The following ZSCAN1 variants were observed in gnomAD, a reference collection of about 807,000 sequenced individuals.
ZSCAN1 encodes the protein zinc finger and SCAN domain containing 1.
In ZSCAN1, 23 loss-of-function variants were observed where a neutral mutation model predicts 23.8. The ratio of observed to expected loss-of-function variants is 0.97; its 90% CI spans 0.70 to 1.37. The LOEUF (loss-of-function observed/expected upper bound fraction) is 1.37. ZSCAN1 is among the 40% of genes most tolerant of loss of function. ZSCAN1 has a pLI of 0.00. For missense variants in ZSCAN1, 575 were observed against 554.0 expected (o/e 1.04, Z -0.38); for synonymous variants, 236 against 232.3 (o/e 1.02, Z -0.15).
chr19:58,053,252 G>A lies in ZSCAN1; in HGVS notation c.605-177G>A, dbSNP rs563581685. 3.9e-5 allele frequency among the ~76,000 whole-genome samples: 6 copies of A among 152,174 alleles called. No homozygotes were observed. The highest frequency in any genetic ancestry group is 9.6e-5 in the African/African-American group (4 of 41,502). ...GATTACAGGCATGAGCCACTGCACCGGCCACATGTGCCCTTGTATCTTAAA... is the reference window on the plus strand; with the variant it reads ...GATTACAGGCATGAGCCACTGCACCAGCCACATGTGCCCTTGTATCTTAAA... On this transcript the variant is annotated intron_variant, in intron 5 of 5. Transcript: ENST00000282326. This position sits in a 1 kb window ranked among gnomAD's most constrained non-coding sequence, Gnocchi z 5.8.
Position 58,045,003 on chromosome 19 carries a change from T to C in ZSCAN1, c.465+4459T>C. On this transcript the variant is annotated intron_variant, in intron 4 of 5. Transcript: ENST00000282326. The surrounding 1 kb of genome is among the most constrained non-coding windows in gnomAD (Gnocchi z 4.3). ...ACAAGAAGCTGGAGGAAGGCGGCCC[T>C]GTGTACAGCGCCCCCGCAGAGATGG... The C allele has an allele frequency of 1.7e-6, 2 of 1,150,780 alleles. No individual in the cohort carries two copies. The highest frequency in any genetic ancestry group is 2.6e-6 in the Non-Finnish European group (2 of 765,618). The allele number at this position is 1,150,780 out of a possible 1,614,324, so 71.3% of individuals were successfully genotyped here.
In ZSCAN1 at chr19:58,040,592, G is replaced by A. The variant is rs1350176664; in HGVS notation, c.465+48G>A. On this transcript the variant is annotated intron_variant, in intron 4 of 5. Transcript: ENST00000282326. This position sits in a 1 kb window ranked among gnomAD's most constrained non-coding sequence, Gnocchi z 5.8. Reference sequence around the variant, plus strand: ...CGTGCTCCTGCACCCCAGGGCATGCGTGCCGCTTCTGGGACGGCCTCAAGG... The same window carrying A: ...CGTGCTCCTGCACCCCAGGGCATGCATGCCGCTTCTGGGACGGCCTCAAGG... 9 of 1,581,158 alleles carry A rather than the reference G, an allele frequency of 5.7e-6. No individual in the cohort carries two copies. Among genetic ancestry groups the A allele is most frequent in the African/African-American group, 2.7e-5 (2 of 74,278 alleles).
At chr19:58,039,466 G>A (rs933310125) in intron 3 of ZSCAN1, among the ~76,000 whole-genome samples, 28 of 152,092 alleles carry the variant, frequency 1.8e-4, no homozygotes, top group African/African-American at 6.0e-4. Flanking sequence ...GAACAGCCCT[G>A]CACCGGCCAC....
intron 4 of ZSCAN1, chr19:58,044,854 T>A: frequency 1.3e-6 from 1 of 767,140 alleles, no homozygotes; most frequent in Non-Finnish European, 2.3e-6. Context: ...GCCATGGACC[T>A]CCACCTCTGT....
intron 4 of ZSCAN1, among the ~76,000 whole-genome samples, chr19:58,042,415 C>T (rs571146838): frequency 6.6e-6 from 1 of 151,652 alleles, no homozygotes. Context: ...CCGCCACCTC[C>T]CCGGCTAATT....
chr19:58,039,917 TA>T (rs138538238), intron 3 of ZSCAN1, among the ~76,000 whole-genome samples: 218 of 151,766 alleles, frequency 1.4e-3, no homozygotes, highest in African/African-American at 4.2e-3. Context: ...AAAAAATAAA[TA>T]GGGGGGGGTC....
chr19:58,047,937 G>A lies in ZSCAN1; in HGVS notation c.466-4553G>A, dbSNP rs1393082817. Among the ~76,000 whole-genome samples the A allele has an allele frequency of 5.3e-5, 8 of 152,180 alleles. No homozygotes were observed. The highest frequency in any genetic ancestry group is 1.7e-4 in the African/African-American group (7 of 41,446). ...GCCACCTCCACCCTCCTGCCCAGCCGGCTGTGTCACACTCATATTTTTAAG... is the reference window on the plus strand; with the variant it reads ...GCCACCTCCACCCTCCTGCCCAGCCAGCTGTGTCACACTCATATTTTTAAG... On this transcript the variant is annotated intron_variant, in intron 4 of 5. Transcript: ENST00000282326. The surrounding 1 kb of genome is among the most constrained non-coding windows in gnomAD (Gnocchi z 4.9).
chr19:58,053,735 T>C lies in ZSCAN1; in HGVS notation c.911T>C (p.Val304Ala), dbSNP rs764241134. ...CADCGMVFTW[V>A]THFIEHQKTH... ...GACTGTGGGATGGTCTTCACCTGGGTCACCCACTTCATCGAGCACCAGAAG... is the reference window on the plus strand; with the variant it reads ...GACTGTGGGATGGTCTTCACCTGGGCCACCCACTTCATCGAGCACCAGAAG... The change falls in exon 6 of 6, where the codon GTC becomes GCC. Residue 304 changes from valine (V) to alanine (A), a missense_variant. Val to Ala is a moderately conservative substitution (Grantham distance 64). Transcript: ENST00000282326. The surrounding 1 kb of genome is among the most constrained non-coding windows in gnomAD (Gnocchi z 5.8). The C allele has an allele frequency of 6.2e-7, 1 of 1,613,850 alleles. No individual in the cohort carries two copies. The highest frequency in any genetic ancestry group is 8.5e-7 in the Non-Finnish European group (1 of 1,180,002).
In ZSCAN1 at chr19:58,049,417, A is replaced by G. The variant is rs2073845098; in HGVS notation, c.466-3073A>G. The G allele has an allele frequency of 1.3e-5, 2 of 152,218 alleles. No individual in the cohort carries two copies. Among genetic ancestry groups the G allele is most frequent in the East Asian group, 1.9e-4 (1 of 5,200 alleles). The allele number at this position is 152,218 out of a possible 1,614,324, so 9.4% of individuals were successfully genotyped here. On this transcript the variant is annotated intron_variant, in intron 4 of 5. Transcript: ENST00000282326. The surrounding 1 kb of genome is among the most constrained non-coding windows in gnomAD (Gnocchi z 4.5). ...TGGATCCCTCTGCGATTTCCTCTGT[A>G]TTGGTTGTGGTACTCATTCAGGTCT...
In ZSCAN1 at chr19:58,038,089, C is replaced by T; in HGVS notation, c.253C>T (p.Gln85Ter). 1.2e-6 allele frequency: 2 copies of T among 1,611,486 alleles called. No homozygotes were observed. Among genetic ancestry groups the T allele is most frequent in the Non-Finnish European group, 1.7e-6 (2 of 1,179,842 alleles). ...GATGCTGGAGCTGCTGGTGCTGGAGCAGTTCCTGGGCGCGCTGCCCAGCAA... is the reference window on the plus strand; with the variant it reads ...GATGCTGGAGCTGCTGGTGCTGGAGTAGTTCCTGGGCGCGCTGCCCAGCAA... ...EQMLELLVLE[Q>*]FLGALPSKMR... Residue 85 changes from glutamine to a stop codon, truncating the protein, a stop_gained, in exon 3 of 6, where the codon CAG (glutamine) becomes TAG (stop). Coordinates refer to ENST00000282326, the MANE Select transcript of ZSCAN1 (RefSeq NM_182572.4). LOFTEE classifies it high-confidence loss of function.
intron 4 of ZSCAN1, among the ~76,000 whole-genome samples, chr19:58,043,262 T>G (rs922771355): frequency 1.3e-5 from 2 of 152,214 alleles, no homozygotes; most frequent in East Asian, 1.9e-4. Flanking sequence ...CTTAGGCGGT[T>G]TCGTCACCGT....
At chr19:58,041,654 G>T (rs2123425745) in intron 4 of ZSCAN1, among the ~76,000 whole-genome samples, 1 of 152,276 alleles carries the variant, frequency 6.6e-6, no homozygotes, top group South Asian at 2.1e-4. Flanking sequence ...GGCTGAGGTG[G>T]GAGGACCACT....
chr19:58,053,658 C>A lies in ZSCAN1; in HGVS notation c.834C>A (p.Gly278=), dbSNP rs542464502. The change falls in exon 6 of 6, where the codon GGC becomes GGA. Residue 278 remains glycine, a synonymous_variant. Coordinates refer to ENST00000282326, the MANE Select transcript of ZSCAN1 (RefSeq NM_182572.4). This position sits in a 1 kb window ranked among gnomAD's most constrained non-coding sequence, Gnocchi z 5.8. ...TKGGTQEAVA[G]ISVVPRGPRG... ...GTGGTACCCAAGAGGCTGTTGCAGG[C>A]ATCTCGGTAGTGCCGCGTGGGCCCC... 1.9e-6 allele frequency: 3 copies of A among 1,614,200 alleles called. No homozygotes were observed. The East Asian group carries it at 6.7e-5, about 36-fold the overall frequency.
intron 2 of ZSCAN1, among the ~76,000 whole-genome samples, chr19:58,036,830 G>A (rs1344549601): frequency 6.6e-6 from 1 of 152,132 alleles, no homozygotes; most frequent in African/African-American, 2.4e-5. Context: ...GGGATTAGAG[G>A]TGTGCACCAC....
Position 58,040,510 on chromosome 19 carries a change from G to C in ZSCAN1, c.431G>C (p.Gly144Ala). The C allele has an allele frequency of 6.2e-7, 1 of 1,613,590 alleles. No individual in the cohort carries two copies. The change falls in exon 4 of 6, where the codon GGG becomes GCG. Residue 144 changes from glycine (G) to alanine (A), a missense_variant. By Grantham distance (60) the Gly-to-Ala change is moderately conservative. Transcript: ENST00000282326. This position sits in a 1 kb window ranked among gnomAD's most constrained non-coding sequence, Gnocchi z 5.8. ...TGGAGTTTCGGTGAGGAGGAAGATGGGAAGAGTCCAAGGTCCCAGAAAGAA... is the reference window on the plus strand; with the variant it reads ...TGGAGTTTCGGTGAGGAGGAAGATGCGAAGAGTCCAAGGTCCCAGAAAGAA... ...QDWSFGEEED[G>A]KSPRSQKEPS...
Position 58,037,919 on chromosome 19 carries a change from C to T in ZSCAN1, c.83C>T (p.Pro28Leu), listed in dbSNP as rs753664795. 1 of 1,600,122 alleles carries T rather than the reference C, an allele frequency of 6.2e-7. No homozygotes were observed. The highest frequency in any genetic ancestry group is 8.5e-7 in the Non-Finnish European group (1 of 1,178,348). Reference protein sequence around the residue: ...TPSEQDADPGPASPRDTEAQR... With the variant: ...TPSEQDADPGLASPRDTEAQR... ...AGTGAGCAGGACGCAGACCCTGGGC[C>T]AGCAAGCCCCAGGGACACCGAAGCC... is the stretch of plus-strand genomic sequence containing the variant. The change falls in exon 3 of 6, where the codon CCA becomes CTA. Residue 28 changes from proline (P) to leucine (L), a missense_variant. Coordinates refer to ENST00000282326, the MANE Select transcript of ZSCAN1 (RefSeq NM_182572.4).
chr19:58,055,610 C>G (rs2073885605), downstream of ZSCAN1, among the ~76,000 whole-genome samples: 2 of 152,228 alleles, frequency 1.3e-5, no homozygotes, highest in South Asian at 4.1e-4. Flanking sequence ...CGGAAGCCCC[C>G]CTGAGCCTTC....
intron 3 of ZSCAN1, among the ~76,000 whole-genome samples, chr19:58,039,637 C>A (rs1019055376): frequency 6.6e-6 from 1 of 151,956 alleles, no homozygotes; most frequent in East Asian, 1.9e-4. Context: ...CGTGGTGGCG[C>A]GTGCCTATAT....
intron 4 of ZSCAN1, 52 bp from the exon 5 acceptor site, chr19:58,052,438 A>T: frequency 2.5e-6 from 4 of 1,611,894 alleles, no homozygotes; most frequent in Non-Finnish European, 3.4e-6. Context: ...GGTGGTGGGG[A>T]GGATGGCTCC....
Sources: gnomAD v4.1 joint callset for allele counts (sites outside exome capture counted in the v4.1 genomes callset) on GRCh38, gnomAD v4.1.1 for gene constraint, Gnocchi (gnomAD v3.1) non-coding constraint, MANE v1.5 for transcripts, NCBI Gene and HGNC (gene_info 2026-07-23, HGNC 2026-07-21) for gene names.